NBEAL1: variants seen among roughly 807,000 people sequenced by gnomAD.
NBEAL1 encodes neurobeachin like 1.
A neutral mutation model predicts 351.3 loss-of-function variants in NBEAL1; 273 were observed. The ratio of observed to expected loss-of-function variants is 0.78; its 90% CI spans 0.70 to 0.86. The LOEUF is 0.86. Ranked by LOEUF, NBEAL1 falls within the 40% of genes least tolerant of loss-of-function variation. NBEAL1 has a pLI of 0.00. For missense variants in NBEAL1, 2,961 were observed against 3,201.3 expected (o/e 0.92, Z 1.81); for synonymous variants, 1,050 against 1,086.4 (o/e 0.97, Z 0.66).
At chr2:203,150,594 TTC>T (rs994624862) in intron 34 of NBEAL1, among the ~76,000 whole-genome samples, 1 of 152,134 alleles carries the variant, frequency 6.6e-6, no homozygotes, top group African/African-American at 2.4e-5. Flanking sequence ...GTTTTTATTT[TTC>T]TGTTTTTTTG....
intron 37 of NBEAL1, 149 bp from the exon 38 acceptor site, chr2:203,167,078 A>G: frequency 1.7e-6 from 1 of 581,368 alleles, no homozygotes; most frequent in Non-Finnish European, 2.8e-6. Context: ...ACCAGTTTAA[A>G]TATCCAACAC....
At chr2:203,116,789 C>CA (rs34559564) in intron 18 of NBEAL1, among the ~76,000 whole-genome samples, 30,423 of 99,506 alleles carry the variant, frequency 0.31, 4,187 homozygotes, top group East Asian at 0.6. Context: ...GACCCTGTCT[C>CA]AAAAAAAAAA....
Position 203,108,074 on chromosome 2 carries a change from C to G in NBEAL1, c.1835C>G (p.Pro612Arg). 1 of 1,552,318 alleles carries G rather than the reference C, an allele frequency of 6.4e-7. No homozygotes were observed. Among genetic ancestry groups the G allele is most frequent in the Non-Finnish European group, 8.7e-7 (1 of 1,147,170 alleles). ...AGTATGGCAGGAATTTCTGTGCCTCCCATACAGAAATGGCCAGGGTCTGCC... is the reference window on the plus strand; with the variant it reads ...AGTATGGCAGGAATTTCTGTGCCTCGCATACAGAAATGGCCAGGGTCTGCC... ...SHSMAGISVPPIQKWPGSAFS... is the reference protein window; with the variant it reads ...SHSMAGISVPRIQKWPGSAFS... The change falls in exon 14 of 56, where the codon CCC (proline) becomes CGC (arginine). Residue 612 changes from proline (P) to arginine (R), a missense_variant. Pro to Arg is a moderately radical substitution (Grantham distance 103). Transcript: ENST00000683969.
At chr2:203,070,374 T>C (rs996761304) in intron 7 of NBEAL1, among the ~76,000 whole-genome samples, 12 of 150,482 alleles carry the variant, frequency 8.0e-5, no homozygotes, top group Non-Finnish European at 1.6e-4. Context: ...TTTTTTTTTT[T>C]TTTTTGAGAA....
At chr2:203,024,428 T>C (rs1158679805) in intron 2 of NBEAL1, among the ~76,000 whole-genome samples, 1 of 151,448 alleles carries the variant, frequency 6.6e-6, no homozygotes, top group South Asian at 2.1e-4. Context: ...TGGGGTGGCA[T>C]GCACCTGTAA....
At chr2:203,190,664 C>T in intron 46 of NBEAL1, 1 of 318,310 alleles carries the variant, frequency 3.1e-6, no homozygotes, top group Non-Finnish European at 4.4e-6. Context: ...CTTTCCAGAG[C>T]CCAAACCCAG....
In NBEAL1 at chr2:203,136,685, T is replaced by C; in HGVS notation, c.4476T>C (p.Thr1492=). ...GACTAGAAAAGTCTGATGATGATAC[T>C]TGGATTGAACGAGGACAAGTGTTTT... ...CKGLEKSDDD[T]WIERGQVFSA... Residue 1492 remains threonine, a synonymous_variant, in exon 29 of 56, where the codon ACT becomes ACC. Transcript: ENST00000683969. The C allele has an allele frequency of 6.2e-7, 1 of 1,613,796 alleles. No individual in the cohort carries two copies. Among genetic ancestry groups the C allele is most frequent in the South Asian group, 1.1e-5 (1 of 91,064 alleles).
At chr2:203,136,548 T>A (rs2063213890) in intron 28 of NBEAL1, 51 bp from the exon 29 acceptor site, 1 of 1,338,526 alleles carries the variant, frequency 7.5e-7, no homozygotes, top group East Asian at 2.3e-5. Context: ...ATGATGTGCT[T>A]TGAACAACTA....
Position 203,112,371 on chromosome 2 carries a change from G to A in NBEAL1, c.2202+273G>A, listed in dbSNP as rs138384424. 9.1e-3 allele frequency among the ~76,000 whole-genome samples: 1,389 copies of A among 152,312 alleles called. 16 individuals carry two copies. The highest frequency in any genetic ancestry group is 0.012 in the Non-Finnish European group (817 of 68,034). On this transcript the variant is annotated intron_variant, in intron 16 of 55. Transcript: ENST00000683969. The stretch of plus-strand genomic sequence containing the variant: ...CAGGAAAGCCAAAGAAATGAATAGA[G>A]CAGATCAATCTATCGTTTAATAAAA...
At chr2:203,196,374 C>G (rs1310929670) in intron 47 of NBEAL1, among the ~76,000 whole-genome samples, 1 of 152,134 alleles carries the variant, frequency 6.6e-6, no homozygotes, top group Admixed American at 6.5e-5. Context: ...TTTTCATCCT[C>G]GTAAGAGGTA....
chr2:203,092,865 A>G (rs1310763479), intron 10 of NBEAL1, among the ~76,000 whole-genome samples: 1 of 152,214 alleles, frequency 6.6e-6, no homozygotes, highest in Non-Finnish European at 1.5e-5. Context: ...ATCAAATAGT[A>G]AAGAATATAT....
intron 29 of NBEAL1, 95 bp from the exon 30 acceptor site, chr2:203,138,067 C>A: frequency 9.3e-7 from 1 of 1,073,974 alleles, no homozygotes; most frequent in Non-Finnish European, 1.4e-6. Flanking sequence ...TTTAGAGATA[C>A]AGTGCTGCCT....
chr2:203,207,322 C>A (rs1268463720), intron 51 of NBEAL1, among the ~76,000 whole-genome samples: 1 of 145,274 alleles, frequency 6.9e-6, no homozygotes. Context: ...CAGCCGCCCC[C>A]TCCGGGAGGT....
chr2:203,188,590 G>A lies in NBEAL1; in HGVS notation c.6823+1G>A. On this transcript the variant is annotated splice_donor_variant, in intron 45 of 55. Transcript: ENST00000683969. LOFTEE classifies it high-confidence loss of function. ...GTTTTCTATTATTGTAGTTATGAAG[G>A]TATAAATCTATACACTTTTTCTCTT... is the stretch of plus-strand genomic sequence containing the variant. 6 of 1,533,332 alleles carry A rather than the reference G, an allele frequency of 3.9e-6. No individual in the cohort carries two copies. The highest frequency in any genetic ancestry group is 1.8e-5 in the Admixed American group (1 of 55,380). The allele number at this position is 1,533,332 out of a possible 1,614,324, so 95.0% of individuals were successfully genotyped here.
chr2:203,127,651 GGCA>G, intron 23 of NBEAL1, 127 bp from the exon 24 acceptor site: 3 of 469,628 alleles, frequency 6.4e-6, no homozygotes, highest in Non-Finnish European at 1.2e-5. Flanking sequence ...GAACCCAGAA[GGCA>G]GAGGTTGCAG....
intron 14 of NBEAL1, among the ~76,000 whole-genome samples, chr2:203,109,463 G>C (rs2062512657): frequency 6.6e-6 from 1 of 152,136 alleles, no homozygotes; most frequent in South Asian, 2.1e-4. Flanking sequence ...TGAAGGAACA[G>C]AAGACCTATG....
Position 203,157,718 on chromosome 2 carries a change from T to C in NBEAL1, c.5607T>C (p.Pro1869=). 6.3e-7 allele frequency: 1 copy of C among 1,598,428 alleles called. No individual in the cohort carries two copies. Among genetic ancestry groups the C allele is most frequent in the Non-Finnish European group, 8.5e-7 (1 of 1,173,926 alleles). ...RDNLGIQHSQ[P]SSDTLLLEVV... ...AAACAGGTATCCAACACTCACAGCCTTCCAGTGATACATTGCTTTTGGAAG... is the reference window on the plus strand; with the variant it reads ...AAACAGGTATCCAACACTCACAGCCCTCCAGTGATACATTGCTTTTGGAAG... The change falls in exon 36 of 56, where the codon CCT becomes CCC. Residue 1869 remains proline, a synonymous_variant. Transcript: ENST00000683969.
At chr2:203,085,499 A>G (rs569373100) in intron 10 of NBEAL1, 2 of 152,340 alleles carry the variant, frequency 1.3e-5, no homozygotes, top group African/African-American at 4.8e-5. Flanking sequence ...CTTCATAATG[A>G]CTACTTTATA....
chr2:203,144,503 T>C (rs1043286298), intron 31 of NBEAL1, 97 bp from the exon 32 acceptor site: 44 of 1,147,876 alleles, frequency 3.8e-5, no homozygotes, highest in Middle Eastern at 2.0e-4. Context: ...TTGACAGTTA[T>C]GTAAAAATTC....
Sources: allele counts gnomAD v4.1 joint callset (sites outside exome capture counted in the v4.1 genomes callset), GRCh38; gene constraint gnomAD v4.1.1; transcripts MANE v1.5; gene names NCBI Gene and HGNC (gene_info 2026-07-23, HGNC 2026-07-21).